ADGRB3: variants seen among roughly 807,000 people sequenced by gnomAD.
ADGRB3 encodes the protein adhesion G protein-coupled receptor B3.
A neutral mutation model predicts 193.4 loss-of-function variants in ADGRB3; 37 were observed. That is an observed-to-expected ratio of 0.19 (90% CI 0.15 to 0.25). The LOEUF (loss-of-function observed/expected upper bound fraction) is 0.25. ADGRB3 is among the 10% of genes least tolerant of loss of function. The probability of loss-of-function intolerance (pLI) is 1.00; values close to 1 mark genes in which losing one functional copy is unlikely to be tolerated. For synonymous variants in ADGRB3, 690 were observed against 644.2 expected, an observed-to-expected ratio of 1.07 and a Z score of -1.08; for missense variants, 1,637 against 1,852.9, an observed-to-expected ratio of 0.88 and a Z score of 2.14.
chr6:69,007,321 G>A (rs1257044063), intron 11 of ADGRB3, among the ~76,000 whole-genome samples: 1 of 152,006 alleles, frequency 6.6e-6, no homozygotes, highest in Non-Finnish European at 1.5e-5. Context: ...CCACTCAGTG[G>A]CCAAAACTAG....
chr6:69,325,003 C>T lies in ADGRB3; in HGVS notation c.2946C>T (p.Arg982=), dbSNP rs368788485. Reference sequence around the variant, plus strand: ...TTAGGACACGGCTTATAAGAAAACGCTTTTTGTGCCTTGGATGGGGTAAGC... The same window carrying T: ...TTAGGACACGGCTTATAAGAAAACGTTTTTTGTGCCTTGGATGGGGTAAGC... The part of the protein sequence containing the change: ...GKIRTRLIRK[R]FLCLGWGLPA... The change falls in exon 21 of 32, where the codon CGC becomes CGT. Residue 982 remains arginine, a synonymous_variant. Transcript: ENST00000370598. 55 of 1,613,374 alleles carry T rather than the reference C, an allele frequency of 3.4e-5. No individual in the cohort carries two copies. Among genetic ancestry groups the T allele is most frequent in the Non-Finnish European group, 4.6e-5 (54 of 1,179,706 alleles).
chr6:69,078,441 T>C (rs1772294969), intron 17 of ADGRB3, among the ~76,000 whole-genome samples: 1 of 152,004 alleles, frequency 6.6e-6, no homozygotes, highest in Non-Finnish European at 1.5e-5. Context: ...TCATAGACAT[T>C]CACACTATTT....
intron 3 of ADGRB3, among the ~76,000 whole-genome samples, chr6:68,691,160 T>C (rs1386668941): frequency 6.6e-6 from 1 of 152,112 alleles, no homozygotes; most frequent in Non-Finnish European, 1.5e-5. Flanking sequence ...GGGGAATCAG[T>C]TGAATATTTG....
chr6:68,868,383 A>T (rs1353257785), intron 3 of ADGRB3, among the ~76,000 whole-genome samples: 1 of 152,186 alleles, frequency 6.6e-6, no homozygotes, highest in Non-Finnish European at 1.5e-5. Context: ...TAAAAGTGTG[A>T]GTCAATTAAA....
At chr6:68,932,140 C>T (rs1767355789) in intron 4 of ADGRB3, among the ~76,000 whole-genome samples, 1 of 152,010 alleles carries the variant, frequency 6.6e-6, no homozygotes, top group South Asian at 2.1e-4. Flanking sequence ...TTGTCGGCAC[C>T]ATCTAATGGG....
At chr6:68,680,186 G>C (rs983370125) in intron 3 of ADGRB3, among the ~76,000 whole-genome samples, 1 of 152,030 alleles carries the variant, frequency 6.6e-6, no homozygotes, top group Non-Finnish European at 1.5e-5. Flanking sequence ...ACAACCCAGT[G>C]TGTGATATTT....
intron 17 of ADGRB3, among the ~76,000 whole-genome samples, chr6:69,151,179 G>C (rs1349719756): frequency 6.6e-6 from 1 of 152,164 alleles, no homozygotes; most frequent in Non-Finnish European, 1.5e-5. Flanking sequence ...ACTAGGACTG[G>C]CCTAGGAGTT....
chr6:69,286,420 C>T (rs965254234), intron 20 of ADGRB3, among the ~76,000 whole-genome samples: 1 of 152,146 alleles, frequency 6.6e-6, no homozygotes, highest in Admixed American at 6.6e-5. Flanking sequence ...TGTCTGACAG[C>T]AGTGTGAGAA....
intron 17 of ADGRB3, among the ~76,000 whole-genome samples, chr6:69,198,081 C>T (rs115295505): frequency 2.2e-3 from 335 of 152,070 alleles, no homozygotes; most frequent in African/African-American, 7.6e-3. Flanking sequence ...GTGTTTTGAA[C>T]CTCTTAATAG....
intron 3 of ADGRB3, among the ~76,000 whole-genome samples, chr6:68,719,242 T>C (rs536005974): frequency 2.6e-5 from 4 of 151,908 alleles, no homozygotes; most frequent in South Asian, 4.1e-4. Flanking sequence ...CCTTCTGTGA[T>C]GATCTGTATC....
intron 10 of ADGRB3, among the ~76,000 whole-genome samples, chr6:68,991,914 T>C (rs1170624543): frequency 6.6e-6 from 1 of 152,112 alleles, no homozygotes. Flanking sequence ...AGCTGCAAAG[T>C]TGAAACACAA....
chr6:68,663,777 C>G (rs1768730946), intron 3 of ADGRB3, among the ~76,000 whole-genome samples: 1 of 151,776 alleles, frequency 6.6e-6, no homozygotes, highest in South Asian at 2.1e-4. Flanking sequence ...CCGAAGAGAG[C>G]ATTTGGCTTT....
chr6:69,263,699 TG>T (rs1158040810), intron 20 of ADGRB3, among the ~76,000 whole-genome samples: 4 of 152,066 alleles, frequency 2.6e-5, no homozygotes, highest in Non-Finnish European at 5.9e-5. Context: ...GGAGGCTTCA[TG>T]GGGAAGTAAA....
At chr6:69,170,885 A>G (rs7741707) in intron 17 of ADGRB3, among the ~76,000 whole-genome samples, 21,998 of 152,142 alleles carry the variant, frequency 0.14, 1,625 homozygotes, top group Middle Eastern at 0.16. Flanking sequence ...TAGAGAGTTC[A>G]TGTAAGGTGA....
chr6:69,200,106 T>C (rs1217828687), intron 17 of ADGRB3, among the ~76,000 whole-genome samples: 1 of 151,598 alleles, frequency 6.6e-6, no homozygotes, highest in African/African-American at 2.4e-5. Flanking sequence ...TTTTTGTTAT[T>C]TTTACCAGAA....
chr6:68,820,407 T>C (rs1767727751), intron 3 of ADGRB3, among the ~76,000 whole-genome samples: 1 of 151,968 alleles, frequency 6.6e-6, no homozygotes, highest in Non-Finnish European at 1.5e-5. Flanking sequence ...TATGCAATGT[T>C]TTGATACAGA....
chr6:68,796,367 A>G (rs1582209099), intron 3 of ADGRB3, among the ~76,000 whole-genome samples: 1 of 151,946 alleles, frequency 6.6e-6, no homozygotes, highest in East Asian at 1.9e-4. Flanking sequence ...ATATGTCTAA[A>G]CCCTCTTCTA....
Position 68,642,946 on chromosome 6 carries a change from A to G in ADGRB3, c.757+3514A>G, listed in dbSNP as rs189774517. ...TTTATAGGACTCTTTTGCTGAAGAT[A>G]ATTCTGGACTATATAGCTGAGATAT... On this transcript the variant is annotated intron_variant, in intron 3 of 31. Transcript: ENST00000370598. 3.5e-4 allele frequency among the ~76,000 whole-genome samples: 54 copies of G among 152,330 alleles called. No individual in the cohort carries two copies. The East Asian group carries it at 9.5e-3, about 27-fold the overall frequency.
chr6:68,889,221 C>T (rs539238054), intron 3 of ADGRB3, among the ~76,000 whole-genome samples: 21 of 152,252 alleles, frequency 1.4e-4, no homozygotes, highest in Admixed American at 9.8e-4. Context: ...CATTGGTTTA[C>T]GTCTCCAAAT....
Sources: allele counts gnomAD v4.1 joint callset (sites outside exome capture counted in the v4.1 genomes callset), GRCh38; gene constraint gnomAD v4.1.1; transcripts MANE v1.5; gene names NCBI Gene and HGNC (gene_info 2026-07-23, HGNC 2026-07-21).